PRKCH: variants seen among roughly 807,000 people sequenced by gnomAD.
The protein encoded by PRKCH is protein kinase C eta, also known as protein kinase C eta type.
In PRKCH, 28 loss-of-function variants were observed where a neutral mutation model predicts 82.5. The ratio of observed to expected loss-of-function variants is 0.34; its 90% CI spans 0.25 to 0.47. The LOEUF (loss-of-function observed/expected upper bound fraction) is 0.47. PRKCH is among the 20% of genes least tolerant of loss of function. The pLI, the probability that PRKCH is intolerant of heterozygous loss-of-function variation, is 1.00. For missense variants in PRKCH, 705 were observed against 881.8 expected, an observed-to-expected ratio of 0.80 and a Z score of 2.54; for synonymous variants, 322 against 327.4, an observed-to-expected ratio of 0.98 and a Z score of 0.18.
chr14:61,511,493 C>T (rs1269582624), intron 10 of PRKCH, among the ~76,000 whole-genome samples: 4 of 152,184 alleles, frequency 2.6e-5, no homozygotes, highest in African/African-American at 9.7e-5. Context: ...AAGTCCTCAC[C>T]TCTGAGGGCC....
At chr14:61,384,198 A>G (rs1221954913) in intron 1 of PRKCH, among the ~76,000 whole-genome samples, 2 of 152,194 alleles carry the variant, frequency 1.3e-5, no homozygotes, top group African/African-American at 4.8e-5. Context: ...CTGGGAACGC[A>G]GAAGAACAGT....
chr14:61,449,813 A>G (rs1342560711), intron 5 of PRKCH, among the ~76,000 whole-genome samples: 1 of 151,836 alleles, frequency 6.6e-6, no homozygotes, highest in Admixed American at 6.6e-5. Flanking sequence ...AAGTAAAAAG[A>G]TTGCTGGCTT....
At chr14:61,432,805 C>T (rs1270186027) in intron 2 of PRKCH, among the ~76,000 whole-genome samples, 1 of 152,012 alleles carries the variant, frequency 6.6e-6, no homozygotes, top group Non-Finnish European at 1.5e-5. Context: ...TACTCCTGGC[C>T]TCAAGTGATC....
intron 2 of PRKCH, among the ~76,000 whole-genome samples, chr14:61,396,972 A>T (rs921676485): frequency 6.6e-6 from 1 of 152,198 alleles, no homozygotes; most frequent in Non-Finnish European, 1.5e-5. Flanking sequence ...AATAGAAATG[A>T]TAAGATACCA....
chr14:61,204,525 CAGG>C (rs2140041008), intron 1 of PRKCH, among the ~76,000 whole-genome samples: 1 of 152,168 alleles, frequency 6.6e-6, no homozygotes, highest in East Asian at 1.9e-4. Context: ...GAGGCCAAGG[CAGG>C]AGGATTGCTT....
intron 1 of PRKCH, among the ~76,000 whole-genome samples, chr14:61,220,272 C>G (rs552359531): frequency 1.3e-5 from 2 of 152,332 alleles, no homozygotes; most frequent in Admixed American, 6.5e-5. Flanking sequence ...GTCTTCCTAG[C>G]AGGTGTACAC....
chr14:61,203,718 G>A (rs1221577289), intron 1 of PRKCH, among the ~76,000 whole-genome samples: 1 of 152,006 alleles, frequency 6.6e-6, no homozygotes, highest in Non-Finnish European at 1.5e-5. Flanking sequence ...GCTCACATAC[G>A]TAATCCCAGC....
At chr14:61,532,586 C>G (rs1022953255) in intron 12 of PRKCH, among the ~76,000 whole-genome samples, 1 of 152,064 alleles carries the variant, frequency 6.6e-6, no homozygotes, top group African/African-American at 2.4e-5. Context: ...GGTATCATCC[C>G]CTTAGCCTAG....
At chr14:61,523,439 G>A (rs1163152867) in intron 10 of PRKCH, among the ~76,000 whole-genome samples, 2 of 152,184 alleles carry the variant, frequency 1.3e-5, no homozygotes, top group Non-Finnish European at 2.9e-5. Context: ...CTACATAGAA[G>A]GGATTGGGCC....
chr14:61,503,441 T>C (rs2139956363), intron 10 of PRKCH, among the ~76,000 whole-genome samples: 1 of 152,272 alleles, frequency 6.6e-6, no homozygotes, highest in South Asian at 2.1e-4. Context: ...GTGCAGTCTT[T>C]GTCTGTTTCT....
chr14:61,393,744 T>C (rs1195630757), intron 2 of PRKCH, among the ~76,000 whole-genome samples: 2 of 152,262 alleles, frequency 1.3e-5, no homozygotes, highest in Non-Finnish European at 2.9e-5. Flanking sequence ...TCTGGTAGGC[T>C]TGAATTTTGT....
At chr14:61,191,371 C>A (rs1316040628) in intron 1 of PRKCH, among the ~76,000 whole-genome samples, 1 of 152,192 alleles carries the variant, frequency 6.6e-6, no homozygotes, top group Non-Finnish European at 1.5e-5. Flanking sequence ...AAATGTTTGG[C>A]TTCTGTGGAG....
intron 1 of PRKCH, among the ~76,000 whole-genome samples, chr14:61,225,247 T>C (rs897520760): frequency 1.3e-5 from 2 of 152,268 alleles, no homozygotes; most frequent in Non-Finnish European, 1.5e-5. Flanking sequence ...GTCTGTTTTT[T>C]AGTTCTAGCT....
chr14:61,204,309 TA>T (rs773818691), intron 1 of PRKCH, among the ~76,000 whole-genome samples: 2 of 152,218 alleles, frequency 1.3e-5, no homozygotes, highest in Non-Finnish European at 1.5e-5. Context: ...TTTAGTAAGG[TA>T]AATTCCATTA....
At chr14:61,468,512 T>A (rs768223511) in intron 9 of PRKCH, among the ~76,000 whole-genome samples, 2 of 152,234 alleles carry the variant, frequency 1.3e-5, no homozygotes, top group Non-Finnish European at 2.9e-5. Flanking sequence ...CCTTTGCTTC[T>A]GTCCTCTCCG....
chr14:61,316,304 A>G lies in PRKCH; in HGVS notation c.-19+128636A>G, dbSNP rs141027219. ...TCTCTAAATTCTCTAATTCTATTAA[A>G]TGGAATGGGAGTTGTGTGAAATGTT... On this transcript the variant is annotated intron_variant, in intron 1 of 3. Coordinates refer to the PRKCH transcript ENST00000555185. Among the ~76,000 whole-genome samples the G allele has an allele frequency of 3.3e-4, 51 of 152,280 alleles. 1 individual carries two copies. In the East Asian group the frequency reaches 9.7e-3, roughly 29 times the overall value.
intron 1 of PRKCH, among the ~76,000 whole-genome samples, chr14:61,202,199 T>G (rs984912905): frequency 2.6e-5 from 4 of 152,196 alleles, no homozygotes; most frequent in Non-Finnish European, 5.9e-5. Flanking sequence ...CTTTTGTACC[T>G]ATCTGAATGC....
chr14:61,484,764 C>CGTTTTTTTTTT (rs1555392076), intron 9 of PRKCH, among the ~76,000 whole-genome samples: 23 of 121,194 alleles, frequency 1.9e-4, no homozygotes, highest in African/African-American at 7.1e-4. Flanking sequence ...ATTTGGCTTC[C>CGTTTTTTTTTT]TTTTTTTTTT....
intron 1 of PRKCH, among the ~76,000 whole-genome samples, chr14:61,273,457 A>C (rs770504682): frequency 5.9e-5 from 9 of 152,238 alleles, no homozygotes; most frequent in Non-Finnish European, 1.3e-4. Flanking sequence ...ATTTTATTAT[A>C]GAATATTACA....
Sources: gnomAD v4.1 joint callset for allele counts (sites outside exome capture counted in the v4.1 genomes callset) on GRCh38, gnomAD v4.1.1 for gene constraint, MANE v1.5 for transcripts, NCBI Gene and HGNC (gene_info 2026-07-23, HGNC 2026-07-21) for gene names.